Variants in CSDC2 observed in about 807,000 individuals in gnomAD.
The protein encoded by CSDC2 is cold shock domain-containing protein C2.
In CSDC2, 8 loss-of-function variants were observed where a neutral mutation model predicts 15.8. The ratio of observed to expected loss-of-function variants is 0.51; its 90% CI spans 0.30 to 0.92. The LOEUF is 0.92. Among genes scored for constraint, CSDC2 ranks in the 40% least tolerant of loss-of-function variants. The pLI, the probability that CSDC2 is intolerant of heterozygous loss-of-function variation, is 0.07. For missense variants in CSDC2, 195 were observed against 213.3 expected, an observed-to-expected ratio of 0.91 and a Z score of 0.53; for synonymous variants, 96 against 92.3, an observed-to-expected ratio of 1.04 and a Z score of -0.23.
chr22:41,564,249 G>T (rs1468318530), intron 1 of CSDC2, among the ~76,000 whole-genome samples: 1 of 151,666 alleles, frequency 6.6e-6, no homozygotes, highest in African/African-American at 2.4e-5. Flanking sequence ...GACTTCCAAT[G>T]CTGCTTTTTT....
rs1468961578 is a variant in CSDC2 at position 41,568,132 on chromosome 22, C to CTTTTTTTTTTTTT, written c.-123-3710_-123-3709insTTTTTTTTTTTTT. On this transcript the variant is annotated intron_variant, in intron 1 of 3. Transcript: ENST00000306149. ...GAGAGTCTTTTTTTTCTCTCTCCCTCTCTTTTTTTTGAGACTGGGTCTTGC... is the reference window on the plus strand; with the variant it reads ...GAGAGTCTTTTTTTTCTCTCTCCCTCTTTTTTTTTTTTTTCTTTTTTTTGAGACTGGGTCTTGC... Among the ~76,000 whole-genome samples the CTTTTTTTTTTTTT allele has an allele frequency of 5.3e-4, 3 of 5,610 alleles. 1 individual carries two copies. The highest frequency in any genetic ancestry group is 8.2e-4 in the Non-Finnish European group (3 of 3,662). The allele number at this position is 5,610 out of a possible 152,430, so 3.7% of individuals were successfully genotyped here.
At chr22:41,565,180 G>A (rs1023888155) in intron 1 of CSDC2, among the ~76,000 whole-genome samples, 8 of 148,698 alleles carry the variant, frequency 5.4e-5, no homozygotes, top group African/African-American at 2.0e-4. Flanking sequence ...GGATGGGTGC[G>A]GTGGTTTACG....
chr22:41,572,359 C>T (rs372843319), intron 2 of CSDC2, among the ~76,000 whole-genome samples: 8,305 of 39,004 alleles, frequency 0.21, 719 homozygotes, highest in Admixed American at 0.33. Context: ...CACCCACCCA[C>T]CCACCCACCC....
intron 2 of CSDC2, among the ~76,000 whole-genome samples, 174 bp downstream of exon 2, chr22:41,572,315 C>CCCATCCATCCATCCATCCAT (rs768020765): frequency 3.3e-5 from 4 of 120,298 alleles, no homozygotes; most frequent in Non-Finnish European, 5.2e-5. Flanking sequence ...CACCCATCCA[C>CCCATCCATCCATCCATCCAT]CCATCCATCC....
chr22:41,575,265 G>A lies in CSDC2; in HGVS notation c.*370G>A, dbSNP rs550966059. ...GCGCTGGGCTCACTCCCTGGCCTCC[G>A]CCCCTGAGCTGTCCCGTGTCAGTCC... On this transcript the variant is annotated 3_prime_UTR_variant, in exon 4 of 4. Coordinates refer to ENST00000306149, the MANE Select transcript of CSDC2 (RefSeq NM_014460.4). 1.1e-3 allele frequency: 323 copies of A among 287,014 alleles called. No homozygotes were observed. The highest frequency in any genetic ancestry group is 6.7e-3 in the African/African-American group (308 of 45,996). 17.8% of individuals were successfully genotyped at this position (287,014 alleles called of 1,614,324 possible).
At chr22:41,566,441 TAAAAAAAAAAAA>T (rs754976750) in intron 1 of CSDC2, among the ~76,000 whole-genome samples, 1,743 of 45,828 alleles carry the variant, frequency 0.038, 30 homozygotes, top group Non-Finnish European at 0.052. Flanking sequence ...AGACTCCATC[TAAAAAAAAAAAA>T]AAAAAAAAAA....
At chr22:41,569,168 G>A (rs1885568722) in intron 1 of CSDC2, among the ~76,000 whole-genome samples, 1 of 152,246 alleles carries the variant, frequency 6.6e-6, no homozygotes. Flanking sequence ...ACCCAGGTGG[G>A]GCAGGTGGCA....
rs1602000068 is a variant in CSDC2 at position 41,575,015 on chromosome 22, A to G, written c.*120A>G. On this transcript the variant is annotated 3_prime_UTR_variant, in exon 4 of 4. Transcript: ENST00000306149. The stretch of plus-strand genomic sequence containing the variant: ...GAGTCCTTCGGTGGCCTCAGTGTGC[A>G]CGTCTGTCTGTCCGTCTGTGCTTGT... 8.5e-7 allele frequency: 1 copy of G among 1,172,292 alleles called. No homozygotes were observed. The highest frequency in any genetic ancestry group is 1.2e-6 in the Non-Finnish European group (1 of 841,726). The allele number at this position is 1,172,292 out of a possible 1,614,324, so 72.6% of individuals were successfully genotyped here. A position where few individuals can be genotyped will look rare whatever the true frequency, so the allele number is the denominator to read the frequency against.
chr22:41,571,892 GC>G lies in CSDC2; in HGVS notation c.-71del. 1 of 1,058,612 alleles carries G rather than the reference GC, an allele frequency of 9.4e-7. No individual in the cohort carries two copies. Among genetic ancestry groups the G allele is most frequent in the Non-Finnish European group, 1.3e-6 (1 of 799,536 alleles). 65.6% of individuals were successfully genotyped at this position (1,058,612 alleles called of 1,614,324 possible). On this transcript the variant is annotated 5_prime_UTR_variant, in exon 2 of 4. Transcript: ENST00000306149. ...GCAGAGCAGGGCCAGGCCGGGCCCTGCCCGCAAGGACGACCAAACCCCTCAC... is the reference window on the plus strand; with the variant it reads ...GCAGAGCAGGGCCAGGCCGGGCCCTGCCGCAAGGACGACCAAACCCCTCAC...
chr22:41,574,525 A>G (rs1007438261), intron 3 of CSDC2, among the ~76,000 whole-genome samples: 1 of 152,194 alleles, frequency 6.6e-6, no homozygotes, highest in South Asian at 2.1e-4. Context: ...TCAGACTCCC[A>G]AAGTGCTGGG....
At chr22:41,568,815 G>A (rs2067129993) in intron 1 of CSDC2, among the ~76,000 whole-genome samples, 2 of 152,312 alleles carry the variant, frequency 1.3e-5, no homozygotes, top group African/African-American at 2.4e-5. Context: ...CCCATCATGG[G>A]GAGGCTGCCC....
At position 41,561,027 on chromosome 22, in the gene CSDC2, C is replaced by G. The variant is rs545613188; in HGVS notation, c.-280C>G. The G allele has an allele frequency of 4.7e-4, 71 of 151,006 alleles. No individual in the cohort carries two copies. Among genetic ancestry groups the G allele is most frequent in the African/African-American group, 1.7e-3 (69 of 39,826 alleles). The allele number at this position is 151,006 out of a possible 1,614,324, so 9.4% of individuals were successfully genotyped here. On this transcript the variant is annotated 5_prime_UTR_variant, in exon 1 of 4. Transcript: ENST00000306149. ...GAGTGAGTGAGGGGCTGAGGTACCG[C>G]CCGCGCGAGCACACACAGACACACA...
intron 1 of CSDC2, among the ~76,000 whole-genome samples, chr22:41,564,866 T>C (rs144043635): frequency 3.8e-3 from 577 of 152,192 alleles, no homozygotes; most frequent in Middle Eastern, 0.01. Context: ...AGAGGACTCA[T>C]GGTCAAGAGA....
chr22:41,568,650 G>A (rs1014110848), intron 1 of CSDC2, among the ~76,000 whole-genome samples: 5 of 152,218 alleles, frequency 3.3e-5, no homozygotes, highest in Non-Finnish European at 5.9e-5. Context: ...GGCGACAGGG[G>A]AGAAGCCTGT....
At chr22:41,564,254 T>C (rs1272221361) in intron 1 of CSDC2, among the ~76,000 whole-genome samples, 1 of 151,908 alleles carries the variant, frequency 6.6e-6, no homozygotes, top group Non-Finnish European at 1.5e-5. Flanking sequence ...CCAATGCTGC[T>C]TTTTTAAAAT....
At chr22:41,573,302 C>CTGAG in intron 2 of CSDC2, among the ~76,000 whole-genome samples, 1 of 151,816 alleles carries the variant, frequency 6.6e-6, no homozygotes, top group East Asian at 1.9e-4. Flanking sequence ...TTGCAGTGAG[C>CTGAG]TGAGATTGCA....
rs2067080680 is a variant in CSDC2, at chr22:41,561,049, C to CACACAG, written c.-253_-252insGACACA. ...CCGCCCGCGCGAGCACACACAGACA[C>CACACAG]ACACACACACACACACACACACACA... is the stretch of plus-strand genomic sequence containing the variant. On this transcript the variant is annotated 5_prime_UTR_variant, in exon 1 of 4. Coordinates refer to ENST00000306149, the MANE Select transcript of CSDC2 (RefSeq NM_014460.4). 1 of 111,828 alleles carries CACACAG rather than the reference C, an allele frequency of 8.9e-6. No homozygotes were observed. Among genetic ancestry groups the CACACAG allele is most frequent in the Non-Finnish European group, 1.9e-5 (1 of 51,314 alleles). 6.9% of individuals were successfully genotyped at this position (111,828 alleles called of 1,614,324 possible). A position where few individuals can be genotyped will look rare whatever the true frequency, so the allele number is the denominator to read the frequency against.
intron 1 of CSDC2, among the ~76,000 whole-genome samples, chr22:41,571,491 T>G (rs2067144882): frequency 2.0e-5 from 3 of 152,306 alleles, no homozygotes; most frequent in African/African-American, 7.2e-5. Context: ...TTGGCTTGCT[T>G]GAAGTCACCA....
intron 1 of CSDC2, among the ~76,000 whole-genome samples, chr22:41,570,467 C>T (rs1038632737): frequency 2.6e-5 from 4 of 152,144 alleles, no homozygotes; most frequent in Admixed American, 1.3e-4. Flanking sequence ...GAGCTCTGGA[C>T]TCCAAGGAAC....
Sources: gnomAD v4.1 joint callset for allele counts (sites outside exome capture counted in the v4.1 genomes callset) on GRCh38, gnomAD v4.1.1 for gene constraint, MANE v1.5 for transcripts, NCBI Gene and HGNC (gene_info 2026-07-23, HGNC 2026-07-21) for gene names.